Variants in DPP6 observed in about 807,000 individuals in gnomAD.
DPP6 encodes A-type potassium channel modulatory protein DPP6.
A neutral mutation model predicts 122.6 loss-of-function variants in DPP6; 69 were observed. The observed-to-expected ratio is 0.56, with a 90% confidence interval of 0.46 to 0.69. The LOEUF (loss-of-function observed/expected upper bound fraction) is 0.69. Ranked by LOEUF, DPP6 falls within the 30% of genes least tolerant of loss-of-function variation. The probability of loss-of-function intolerance (pLI) is 0.00; values close to 1 mark genes in which losing one functional copy is unlikely to be tolerated. For missense variants in DPP6, 928 were observed against 1,116.9 expected, an observed-to-expected ratio of 0.83 and a Z score of 2.41; for synonymous variants, 418 against 433.1, an observed-to-expected ratio of 0.97 and a Z score of 0.43.
At chr7:153,806,013 C>CAT in the DPP6 span, among the ~76,000 whole-genome samples, 14 of 151,632 alleles carry the variant, frequency 9.2e-5, no homozygotes, top group East Asian at 1.9e-4. Context: ...AAAAAAAATA[C>CAT]ATATATATAT....
At chr7:154,537,940 T>C (rs1586572565) in intron 3 of DPP6, among the ~76,000 whole-genome samples, 2 of 152,002 alleles carry the variant, frequency 1.3e-5, no homozygotes, top group Non-Finnish European at 2.9e-5. Context: ...CAGTGAGAAC[T>C]AAGAGCCAAG....
chr7:154,060,595 G>T (rs1801643502), intron 1 of DPP6, among the ~76,000 whole-genome samples: 1 of 124,332 alleles, frequency 8.0e-6, no homozygotes, highest in Non-Finnish European at 1.7e-5. Flanking sequence ...CTGAGAGCCA[G>T]TCCCTCTTCC....
chr7:154,088,016 G>A (rs1261877418), intron 1 of DPP6, among the ~76,000 whole-genome samples: 1 of 152,082 alleles, frequency 6.6e-6, no homozygotes, highest in Non-Finnish European at 1.5e-5. Flanking sequence ...TGGGTGTGCT[G>A]GGATGGAGGA....
chr7:154,280,547 A>G (rs1018162950), intron 1 of DPP6, among the ~76,000 whole-genome samples: 11 of 152,218 alleles, frequency 7.2e-5, no homozygotes, highest in African/African-American at 2.7e-4. Context: ...GCTTGGTTTT[A>G]TTAGAGCTAT....
chr7:154,788,149 A>T (rs753845649), intron 10 of DPP6, among the ~76,000 whole-genome samples: 1 of 152,134 alleles, frequency 6.6e-6, no homozygotes, highest in Admixed American at 6.5e-5. Flanking sequence ...GAATATATTC[A>T]AGTAAAAGAT....
chr7:154,511,077 T>G (rs1207262551), intron 3 of DPP6, among the ~76,000 whole-genome samples: 1 of 152,106 alleles, frequency 6.6e-6, no homozygotes, highest in Non-Finnish European at 1.5e-5. Flanking sequence ...AATGTATTTT[T>G]CAAAATTGAA....
At chr7:154,627,114 G>A (rs1225402691) in intron 5 of DPP6, among the ~76,000 whole-genome samples, 2 of 128,476 alleles carry the variant, frequency 1.6e-5, no homozygotes, top group East Asian at 2.5e-4. Flanking sequence ...CCAGGTTCAA[G>A]CTATTTTCCT....
intron 1 of DPP6, among the ~76,000 whole-genome samples, chr7:154,322,875 C>T (rs1453656026): frequency 7.2e-5 from 11 of 152,152 alleles, no homozygotes; most frequent in Admixed American, 7.2e-4. Flanking sequence ...TTATATCACA[C>T]AACCGACGTT....
At chr7:154,334,312 G>A (rs1809212413) in intron 1 of DPP6, among the ~76,000 whole-genome samples, 1 of 152,184 alleles carries the variant, frequency 6.6e-6, no homozygotes, top group African/African-American at 2.4e-5. Context: ...ATGAATGTTT[G>A]GAAGGGAAAG....
intron 1 of DPP6, among the ~76,000 whole-genome samples, chr7:154,411,479 A>G (rs1366221255): frequency 2.6e-5 from 4 of 152,182 alleles, no homozygotes; most frequent in Non-Finnish European, 5.9e-5. Context: ...AGGTTTAAGC[A>G]GTCTGCCCTT....
chr7:154,227,348 A>T (rs1216491128), intron 1 of DPP6, among the ~76,000 whole-genome samples: 5 of 152,144 alleles, frequency 3.3e-5, no homozygotes, highest in African/African-American at 1.2e-4. Flanking sequence ...AAAGACAGAT[A>T]TGACATGATT....
At chr7:154,885,149 A>C (rs957418408) in intron 21 of DPP6, 1 of 156,708 alleles carries the variant, frequency 6.4e-6, no homozygotes, top group African/African-American at 2.4e-5. Flanking sequence ...ACTTACCTGA[A>C]TACAGAACAC....
Position 154,821,754 on chromosome 7 carries a change from T to C in DPP6, c.1666+14642T>C, listed in dbSNP as rs1408787035. On this transcript the variant is annotated intron_variant, in intron 16 of 25. Transcript: ENST00000377770. The surrounding 1 kb of genome is among the most constrained non-coding windows in gnomAD (Gnocchi z 4.2). The stretch of plus-strand genomic sequence containing the variant: ...GGTGTTTTGTTAGTATTAAAATGTT[T>C]CCTCAAGTCAAAGTATAGCATTTGC... 6.6e-6 allele frequency among the ~76,000 whole-genome samples: 1 copy of C among 151,524 alleles called. No homozygotes were observed. The highest frequency in any genetic ancestry group is 1.9e-4 in the East Asian group (1 of 5,184).
At chr7:154,237,460 A>T (rs1430069169) in intron 1 of DPP6, among the ~76,000 whole-genome samples, 2 of 152,172 alleles carry the variant, frequency 1.3e-5, no homozygotes, top group African/African-American at 4.8e-5. Flanking sequence ...GCTGTGGGCC[A>T]TTCATCTGGG....
At chr7:154,294,095 T>C (rs976939853) in intron 1 of DPP6, among the ~76,000 whole-genome samples, 1 of 152,212 alleles carries the variant, frequency 6.6e-6, no homozygotes, top group Non-Finnish European at 1.5e-5. Context: ...GAAATTATTC[T>C]GACTTCAACG....
At chr7:154,283,020 T>C (rs1457644655) in intron 1 of DPP6, among the ~76,000 whole-genome samples, 2 of 152,196 alleles carry the variant, frequency 1.3e-5, no homozygotes, top group African/African-American at 2.4e-5. Context: ...ATCTGTGGAA[T>C]CAGGATACCT....
intron 3 of DPP6, among the ~76,000 whole-genome samples, chr7:154,495,741 A>G (rs376460398): frequency 2.0e-5 from 3 of 152,122 alleles, no homozygotes; most frequent in African/African-American, 7.2e-5. Flanking sequence ...ATTTGCAGGA[A>G]CCAGTGCGGG....
the DPP6 span, among the ~76,000 whole-genome samples, chr7:153,797,023 T>C: frequency 2.6e-5 from 4 of 152,188 alleles, no homozygotes; most frequent in Non-Finnish European, 1.5e-5. Flanking sequence ...AGCTGCCCTG[T>C]GGAGGGGCCC....
At chr7:154,806,131 C>G (rs1308827742) in intron 15 of DPP6, among the ~76,000 whole-genome samples, 1 of 152,220 alleles carries the variant, frequency 6.6e-6, no homozygotes, top group African/African-American at 2.4e-5. Flanking sequence ...AATTGAAATA[C>G]ACATGTCACC....
Sources: gnomAD v4.1 joint callset for allele counts (sites outside exome capture counted in the v4.1 genomes callset) on GRCh38, gnomAD v4.1.1 for gene constraint, Gnocchi (gnomAD v3.1) non-coding constraint, MANE v1.5 for transcripts, NCBI Gene and HGNC (gene_info 2026-07-23, HGNC 2026-07-21) for gene names.